Variants in LRRN2 observed in about 807,000 individuals in gnomAD.
LRRN2 encodes leucine-rich repeat neuronal protein 2.
LRRN2 carries 10 observed loss-of-function variants against 35.7 expected under a neutral mutation model. That is an observed-to-expected ratio of 0.28 (90% CI 0.17 to 0.47). The LOEUF (loss-of-function observed/expected upper bound fraction) is 0.47, where lower values mean the gene tolerates loss of function less well. LRRN2 is among the 20% of genes least tolerant of loss of function. LRRN2 has a pLI of 0.99. For missense variants in LRRN2, 731 were observed against 940.3 expected, an observed-to-expected ratio of 0.78 and a Z score of 2.91; for synonymous variants, 391 against 409.6, an observed-to-expected ratio of 0.95 and a Z score of 0.55.
rs569960095 is a variant in LRRN2 at position 204,644,362 on chromosome 1, A to C, written c.-226-24144T>G. ...TTCTGTCCTGGTGATGGGGGAGGTC[A>C]CTTTCTCTCCTTTCTCAAAGGGTAG... On this transcript the variant is annotated intron_variant, in intron 1 of 1. Coordinates refer to ENST00000367177, the MANE Select transcript of LRRN2 (RefSeq NM_201630.2). Among the ~76,000 whole-genome samples the C allele has an allele frequency of 2.3e-3, 355 of 151,970 alleles. 2 individuals carry two copies. The highest frequency in any genetic ancestry group is 8.3e-3 in the African/African-American group (344 of 41,442).
chr1:204,650,802 A>G (rs1668206375), intron 1 of LRRN2, among the ~76,000 whole-genome samples: 2 of 152,234 alleles, frequency 1.3e-5, no homozygotes, highest in African/African-American at 4.8e-5. Context: ...CTCTCCGCTC[A>G]TGGATTTTAC....
intron 1 of LRRN2, among the ~76,000 whole-genome samples, chr1:204,662,425 G>A (rs914119816): frequency 3.3e-5 from 5 of 152,154 alleles, no homozygotes; most frequent in African/African-American, 9.7e-5. Context: ...CAACTTTACA[G>A]ATGATGAAAC....
At chr1:204,632,882 C>T (rs1370229794) in intron 1 of LRRN2, among the ~76,000 whole-genome samples, 5 of 149,476 alleles carry the variant, frequency 3.3e-5, no homozygotes, top group African/African-American at 7.4e-5. Flanking sequence ...TGCAGTGAGT[C>T]GAGACCACAT....
At chr1:204,653,331 A>G (rs1668274230) in intron 1 of LRRN2, among the ~76,000 whole-genome samples, 1 of 152,302 alleles carries the variant, frequency 6.6e-6, no homozygotes, top group African/African-American at 2.4e-5. Flanking sequence ...AGGTTGGGAA[A>G]CCGTGAAGGA....
intron 1 of LRRN2, among the ~76,000 whole-genome samples, chr1:204,680,547 G>T (rs1204947148): frequency 6.6e-6 from 1 of 152,220 alleles, no homozygotes; most frequent in East Asian, 1.9e-4. Flanking sequence ...CAGAGTGCAA[G>T]GCCTAGCAGC....
chr1:204,638,332 A>G (rs556423814), intron 1 of LRRN2, among the ~76,000 whole-genome samples: 35 of 148,786 alleles, frequency 2.4e-4, no homozygotes, highest in African/African-American at 8.7e-4. Context: ...AGTCAGAACT[A>G]CTGGCACCCT....
chr1:204,664,641 A>C (rs1030594520), intron 1 of LRRN2: 1 of 152,162 alleles, frequency 6.6e-6, no homozygotes, highest in Admixed American at 6.5e-5. Context: ...CCTTCTGAGC[A>C]CAGACCCTTC....
chr1:204,643,744 A>G (rs940495832), intron 1 of LRRN2, among the ~76,000 whole-genome samples: 20 of 152,080 alleles, frequency 1.3e-4, no homozygotes, highest in African/African-American at 4.8e-4. Context: ...GAAGGCAGCA[A>G]CAATGTCATA....
Position 204,619,463 on chromosome 1 carries a change from A to AG in LRRN2, c.529dup (p.Leu177ProfsTer5), listed in dbSNP as rs1343992613. On this transcript the variant is annotated frameshift_variant, in exon 2 of 2. Coordinates refer to ENST00000367177, the MANE Select transcript of LRRN2 (RefSeq NM_201630.2). LOFTEE classifies it high-confidence loss of function. ...AAACCAGCGGCTGTCAATGGCCCTCAGGAGGTTGGAGTTGAGGTGCAGCCG... is the reference window on the plus strand; with the variant it reads ...AAACCAGCGGCTGTCAATGGCCCTCAGGGAGGTTGGAGTTGAGGTGCAGCCG... 6.2e-7 allele frequency: 1 copy of AG among 1,614,250 alleles called. No individual in the cohort carries two copies.
chr1:204,672,486 T>A (rs923693642), intron 1 of LRRN2, among the ~76,000 whole-genome samples: 3 of 152,174 alleles, frequency 2.0e-5, no homozygotes, highest in African/African-American at 7.2e-5. Context: ...TGTGCTATAA[T>A]GTGAATGAGG....
chr1:204,661,853 C>T (rs918516387), intron 1 of LRRN2, among the ~76,000 whole-genome samples: 2 of 152,204 alleles, frequency 1.3e-5, no homozygotes, highest in African/African-American at 4.8e-5. Flanking sequence ...GAGAGTGGAT[C>T]TTCTCCTCAG....
chr1:204,667,016 T>C (rs1668587406), intron 1 of LRRN2, among the ~76,000 whole-genome samples: 1 of 150,142 alleles, frequency 6.7e-6, no homozygotes, highest in African/African-American at 2.5e-5. Context: ...AGACTCAATG[T>C]TCCCATTTAT....
At chr1:204,674,830 G>T (rs2102242443) in intron 1 of LRRN2, among the ~76,000 whole-genome samples, 1 of 152,338 alleles carries the variant, frequency 6.6e-6, no homozygotes, top group South Asian at 2.1e-4. Flanking sequence ...CCCAGGAAGG[G>T]GCTGAGGTCA....
intron 1 of LRRN2, among the ~76,000 whole-genome samples, chr1:204,652,272 C>CCCCCCCGT (rs1668251865): frequency 1.6e-5 from 1 of 62,098 alleles, no homozygotes; most frequent in Non-Finnish European, 3.0e-5. Flanking sequence ...CCCCCCCCCG[C>CCCCCCCGT]CCCCCCGCCG....
At chr1:204,660,755 C>T (rs1292503340) in intron 1 of LRRN2, among the ~76,000 whole-genome samples, 1 of 152,204 alleles carries the variant, frequency 6.6e-6, no homozygotes, top group East Asian at 1.9e-4. Context: ...GGATTGATAC[C>T]TCCTGATGAG....
rs1666543224 is a variant in LRRN2 at position 204,618,380 on chromosome 1, G to T, written c.1613C>A (p.Pro538His). 6.2e-7 allele frequency: 1 copy of T among 1,609,732 alleles called. No homozygotes were observed. Among genetic ancestry groups the T allele is most frequent in the Admixed American group, 1.7e-5 (1 of 59,796 alleles). Residue 538 changes from proline (P) to histidine (H), a missense_variant, in exon 2 of 2, where the codon CCC becomes CAC. Pro to His is a moderately conservative substitution (Grantham distance 77, BLOSUM62 -2). Coordinates refer to ENST00000367177, the MANE Select transcript of LRRN2 (RefSeq NM_201630.2). ...GACCCAAGATAGCAGGATGTGATAG[G>T]GGTGGGTCTCCTGCACCCGGAGCTC... ...GLELRVQETH[P>H]YHILLSWVTP...
chr1:204,677,147 G>A (rs1385904952), intron 1 of LRRN2, among the ~76,000 whole-genome samples: 1 of 152,344 alleles, frequency 6.6e-6, no homozygotes, highest in East Asian at 1.9e-4. Context: ...AGGTTAAGAT[G>A]CCCAAGGGCA....
chr1:204,618,986 TGGG>T lies in LRRN2; in HGVS notation c.1004_1006del (p.Pro335del). Reference sequence around the variant, plus strand: ...GTTGTTGAGCATGAGGGTCTCCATCTGGGGCAGGTGGTGGAAGGCGCGGGGGTG... The same window carrying T: ...GTTGTTGAGCATGAGGGTCTCCATCTGCAGGTGGTGGAAGGCGCGGGGGTG... On this transcript the variant is annotated inframe_deletion, in exon 2 of 2. Transcript: ENST00000367177. 1 of 1,613,110 alleles carries T rather than the reference TGGG, an allele frequency of 6.2e-7. No homozygotes were observed.
At chr1:204,674,106 C>A (rs1668770116) in intron 1 of LRRN2, among the ~76,000 whole-genome samples, 2 of 152,172 alleles carry the variant, frequency 1.3e-5, no homozygotes, top group South Asian at 4.1e-4. Context: ...ATCTGTCTGT[C>A]CATCTGTCTC....
Sources: gnomAD v4.1 joint callset for allele counts (sites outside exome capture counted in the v4.1 genomes callset) on GRCh38, gnomAD v4.1.1 for gene constraint, MANE v1.5 for transcripts, NCBI Gene and HGNC (gene_info 2026-07-23, HGNC 2026-07-21) for gene names.